Variants in STK39 observed in about 807,000 individuals in gnomAD.
STK39 encodes serine/threonine kinase 39.
STK39 carries 20 observed loss-of-function variants against 77.8 expected under a neutral mutation model. The ratio of observed to expected loss-of-function variants is 0.26; its 90% CI spans 0.18 to 0.37. The LOEUF (loss-of-function observed/expected upper bound fraction) is 0.37. STK39 is among the 10% of genes least tolerant of loss of function. STK39 has a pLI of 1.00. For synonymous variants in STK39, 246 were observed against 234.1 expected (o/e 1.05, Z -0.47); for missense variants, 479 against 656.5 (o/e 0.73, Z 2.95).
chr2:168,087,542 C>T (rs979779780), intron 10 of STK39, among the ~76,000 whole-genome samples: 4 of 152,220 alleles, frequency 2.6e-5, no homozygotes, highest in Non-Finnish European at 5.9e-5. Flanking sequence ...GAAGAAATTC[C>T]ATCTGGGGAC....
Position 168,113,407 on chromosome 2 carries a change from G to A in STK39, c.1089+16134C>T, listed in dbSNP as rs567893984. Among the ~76,000 whole-genome samples the A allele has an allele frequency of 7.2e-5, 11 of 152,226 alleles. No individual in the cohort carries two copies. The East Asian group carries it at 1.5e-3, about 21-fold the overall frequency. The stretch of plus-strand genomic sequence containing the variant: ...TCTGTTTCACACAGTGTAACACAGC[G>A]AAGACACATGGAATATTACCAGATA... On this transcript the variant is annotated intron_variant, in intron 10 of 17. Coordinates refer to ENST00000355999, the MANE Select transcript of STK39 (RefSeq NM_013233.3).
chr2:168,217,742 G>GA (rs564223833), intron 1 of STK39, among the ~76,000 whole-genome samples: 2 of 152,030 alleles, frequency 1.3e-5, no homozygotes, highest in African/African-American at 2.4e-5. Context: ...ATAATGGCAA[G>GA]AAAAAAAGTC....
At chr2:167,992,380 C>T (rs1683724615) in intron 16 of STK39, among the ~76,000 whole-genome samples, 2 of 151,932 alleles carry the variant, frequency 1.3e-5, no homozygotes, top group East Asian at 3.9e-4. Flanking sequence ...CTGTAGGCCA[C>T]CAGGTTGTAA....
chr2:168,086,011 A>T (rs1351147524), intron 10 of STK39, among the ~76,000 whole-genome samples: 4 of 152,192 alleles, frequency 2.6e-5, no homozygotes, highest in Admixed American at 1.3e-4. Context: ...GCGCAGTGGC[A>T]TGACACTAGA....
intron 10 of STK39, among the ~76,000 whole-genome samples, chr2:168,081,236 G>A (rs955051767): frequency 3.3e-5 from 5 of 152,228 alleles, no homozygotes; most frequent in African/African-American, 1.2e-4. Context: ...GAAAGCAGCT[G>A]GGAGGGAGGC....
chr2:168,129,431 C>A, intron 10 of STK39, 110 bp downstream of exon 10: 1 of 1,174,172 alleles, frequency 8.5e-7, no homozygotes, highest in Non-Finnish European at 1.2e-6. Flanking sequence ...TGAGATATAG[C>A]GTCTGAATAG....
intron 1 of STK39, among the ~76,000 whole-genome samples, chr2:168,218,871 A>T (rs941344608): frequency 6.6e-6 from 1 of 152,160 alleles, no homozygotes; most frequent in African/African-American, 2.4e-5. Flanking sequence ...CCAGCTCCCA[A>T]CTAGTGGTAC....
chr2:168,247,289 CG>C lies in STK39; in HGVS notation c.146del (p.Pro49ArgfsTer41). 1 of 1,017,892 alleles carries C rather than the reference CG, an allele frequency of 9.8e-7. No homozygotes were observed. Among genetic ancestry groups the C allele is most frequent in the Non-Finnish European group, 1.2e-6 (1 of 846,432 alleles). 63.1% of individuals were successfully genotyped at this position (1,017,892 alleles called of 1,614,324 possible). Reference sequence around the variant, plus strand: ...TGGGCCAGCCGACAGCCTGTGCCGCCGGGGCCGGGGCCGGGGCCGGGGCCGC... The same window carrying C: ...TGGGCCAGCCGACAGCCTGTGCCGCCGGGCCGGGGCCGGGGCCGGGGCCGC... ...APAAPAPAPA[P>X]AAQAVGWPIC... On this transcript the variant is annotated frameshift_variant, in exon 1 of 18. Transcript: ENST00000355999. LOFTEE classifies it high-confidence loss of function.
At chr2:168,034,989 A>C (rs1222474836) in intron 14 of STK39, among the ~76,000 whole-genome samples, 1 of 152,226 alleles carries the variant, frequency 6.6e-6, no homozygotes, top group Non-Finnish European at 1.5e-5. Flanking sequence ...TGAACAGAGA[A>C]GTGAAAAGGC....
chr2:168,063,184 G>T (rs1004480359), intron 14 of STK39, among the ~76,000 whole-genome samples: 1 of 135,908 alleles, frequency 7.4e-6, no homozygotes, highest in East Asian at 2.1e-4. Context: ...CTCTTACTGT[G>T]ATCTTACATT....
intron 1 of STK39, among the ~76,000 whole-genome samples, chr2:168,201,302 G>A (rs556725501): frequency 4.4e-4 from 67 of 152,350 alleles, no homozygotes; most frequent in African/African-American, 1.6e-3. Flanking sequence ...GTGAGACACT[G>A]TGTCTGGCAG....
intron 14 of STK39, among the ~76,000 whole-genome samples, chr2:168,053,716 C>A (rs879545286): frequency 6.6e-6 from 1 of 152,134 alleles, no homozygotes; most frequent in Non-Finnish European, 1.5e-5. Flanking sequence ...GAATACAAAC[C>A]TTCTTTCCTT....
chr2:168,195,265 T>A (rs974117814), intron 1 of STK39, among the ~76,000 whole-genome samples: 1 of 152,134 alleles, frequency 6.6e-6, no homozygotes, highest in African/African-American at 2.4e-5. Flanking sequence ...CCAGGCATGG[T>A]GGCACATACC....
At chr2:168,164,362 A>C (rs1255474277) in intron 3 of STK39, among the ~76,000 whole-genome samples, 1 of 152,112 alleles carries the variant, frequency 6.6e-6, no homozygotes, top group Non-Finnish European at 1.5e-5. Flanking sequence ...TTATAACCGG[A>C]AGATTCCTTC....
intron 10 of STK39, among the ~76,000 whole-genome samples, chr2:168,103,396 A>T (rs1686887027): frequency 6.6e-6 from 1 of 152,250 alleles, no homozygotes; most frequent in Non-Finnish European, 1.5e-5. Flanking sequence ...AGGCTTCAAA[A>T]TAGCCCACAG....
chr2:168,048,503 CGCCCG>C (rs34876128), intron 14 of STK39, among the ~76,000 whole-genome samples: 1 of 150,382 alleles, frequency 6.6e-6, no homozygotes, highest in African/African-American at 2.4e-5. Context: ...TGAGCCACCG[CGCCCG>C]GCCCGGCCCG....
intron 16 of STK39, among the ~76,000 whole-genome samples, chr2:168,012,017 CT>C (rs557801300): frequency 1.9e-3 from 294 of 152,178 alleles, no homozygotes; most frequent in Admixed American, 4.0e-3. Context: ...GGTTCCCATG[CT>C]TTAGTGCACA....
Position 168,247,355 on chromosome 2 carries a change from G to GGCC in STK39, c.78_80dup (p.Ala27dup), listed in dbSNP as rs549892329. On this transcript the variant is annotated inframe_insertion, in exon 1 of 18. Transcript: ENST00000355999. ...CCGGCGCTGCTGTCGCGGCCGCCGGGGCCGCCGCCGCCGCCGCTGTCACCG... is the reference window on the plus strand; with the variant it reads ...CCGGCGCTGCTGTCGCGGCCGCCGGGGCCGCCGCCGCCGCCGCCGCTGTCACCG... The GGCC allele has an allele frequency of 0.027, 27,536 of 1,028,872 alleles. 351 individuals are homozygous for GGCC. The highest frequency in any genetic ancestry group is 0.067 in the South Asian group (1,498 of 22,478). The allele number at this position is 1,028,872 out of a possible 1,614,324, so 63.7% of individuals were successfully genotyped here. A position where few individuals can be genotyped will look rare whatever the true frequency, so the allele number is the denominator to read the frequency against.
At chr2:168,203,905 G>A (rs1347408075) in intron 1 of STK39, among the ~76,000 whole-genome samples, 3 of 152,308 alleles carry the variant, frequency 2.0e-5, no homozygotes, top group Non-Finnish European at 1.5e-5. Context: ...GAGCTGAGTC[G>A]TCTTATCACT....
Sources: gnomAD v4.1 joint callset for allele counts (sites outside exome capture counted in the v4.1 genomes callset) on GRCh38, gnomAD v4.1.1 for gene constraint, MANE v1.5 for transcripts, NCBI Gene and HGNC (gene_info 2026-07-23, HGNC 2026-07-21) for gene names.